ADAMTS18: variants seen among roughly 807,000 people sequenced by gnomAD.
ADAMTS18 encodes ADAM metallopeptidase with thrombospondin type 1 motif 18.
In ADAMTS18, 157 loss-of-function variants were observed where a neutral mutation model predicts 165.9. The observed-to-expected ratio is 0.95, with a 90% confidence interval of 0.83 to 1.08. ADAMTS18 has a LOEUF of 1.08. Ranked by LOEUF, ADAMTS18 falls within the 50% of genes least tolerant of loss-of-function variation. The pLI is 0.00. For synonymous variants in ADAMTS18, 782 were observed against 578.2 expected, an observed-to-expected ratio of 1.35 and a Z score of -5.06; for missense variants, 2,040 against 1,534.0, an observed-to-expected ratio of 1.33 and a Z score of -5.51.
At chr16:77,387,082 G>A (rs1204662019) in intron 3 of ADAMTS18, among the ~76,000 whole-genome samples, 1 of 152,168 alleles carries the variant, frequency 6.6e-6, no homozygotes, top group South Asian at 2.1e-4. Flanking sequence ...GATGCAGAGG[G>A]ACATAGATAA....
chr16:77,371,694 T>A (rs2056878566), intron 3 of ADAMTS18, among the ~76,000 whole-genome samples: 1 of 152,106 alleles, frequency 6.6e-6, no homozygotes, highest in Non-Finnish European at 1.5e-5. Context: ...GGAAAATACT[T>A]CATGACATAG....
intron 10 of ADAMTS18, among the ~76,000 whole-genome samples, chr16:77,350,812 T>C (rs2056544731): frequency 1.3e-5 from 2 of 152,180 alleles, no homozygotes; most frequent in African/African-American, 4.8e-5. Flanking sequence ...TTTCAGGTCT[T>C]GCCGATACAC....
intron 15 of ADAMTS18, 44 bp from the exon 16 acceptor site, chr16:77,320,137 T>C (rs769166393): frequency 2.4e-5 from 38 of 1,612,880 alleles, no homozygotes; most frequent in Admixed American, 5.0e-5. Flanking sequence ...ACCCCATGCA[T>C]TGGAGAAAAG....
chr16:77,346,387 G>A (rs962699114), intron 10 of ADAMTS18, among the ~76,000 whole-genome samples: 2 of 151,886 alleles, frequency 1.3e-5, no homozygotes, highest in Non-Finnish European at 2.9e-5. Context: ...ATCAATATAT[G>A]AATAAAAATG....
intron 3 of ADAMTS18, among the ~76,000 whole-genome samples, chr16:77,371,982 T>C (rs2056882539): frequency 1.3e-5 from 2 of 152,034 alleles, no homozygotes; most frequent in South Asian, 4.1e-4. Context: ...TAAATACTTC[T>C]CAAAAGACAT....
chr16:77,350,961 G>A (rs1348201584), intron 10 of ADAMTS18, among the ~76,000 whole-genome samples: 2 of 152,128 alleles, frequency 1.3e-5, no homozygotes, highest in Non-Finnish European at 2.9e-5. Context: ...GAGGGGAAAA[G>A]ATTAGAAAGT....
intron 3 of ADAMTS18, among the ~76,000 whole-genome samples, chr16:77,372,909 G>A (rs931660471): frequency 6.6e-6 from 1 of 152,100 alleles, no homozygotes; most frequent in African/African-American, 2.4e-5. Context: ...ATTCACTCTG[G>A]TATTAATCAC....
chr16:77,293,409 C>CAT, intron 19 of ADAMTS18, 151 bp from the exon 20 acceptor site: 1 of 683,160 alleles, frequency 1.5e-6, no homozygotes, highest in East Asian at 2.7e-5. Flanking sequence ...TAACCACCCC[C>CAT]ATTCCCATTA....
intron 3 of ADAMTS18, among the ~76,000 whole-genome samples, chr16:77,369,773 C>T (rs2056850127): frequency 6.6e-6 from 1 of 152,148 alleles, no homozygotes; most frequent in South Asian, 2.1e-4. Context: ...ATACCCAAAT[C>T]AGACAAGAAC....
intron 21 of ADAMTS18, 28 bp from the exon 22 acceptor site, chr16:77,289,439 A>G (rs1218059084): frequency 6.2e-7 from 1 of 1,613,082 alleles, no homozygotes; most frequent in East Asian, 2.2e-5. Context: ...GGAAGGAGTC[A>G]GAAACACTCT....
At chr16:77,390,708 A>G (rs4887903) in intron 3 of ADAMTS18, among the ~76,000 whole-genome samples, 46,226 of 151,470 alleles carry the variant, frequency 0.31, 7,420 homozygotes, top group Non-Finnish European at 0.36. Flanking sequence ...AGAAAAAAAA[A>G]AAAAGAAGAA....
intron 16 of ADAMTS18, among the ~76,000 whole-genome samples, chr16:77,305,151 A>G (rs1191124371): frequency 6.6e-6 from 1 of 152,222 alleles, no homozygotes; most frequent in Non-Finnish European, 1.5e-5. Flanking sequence ...AGTATGTGCC[A>G]ATTGTAGCAT....
At chr16:77,310,819 G>T (rs963261153) in intron 16 of ADAMTS18, among the ~76,000 whole-genome samples, 2 of 151,938 alleles carry the variant, frequency 1.3e-5, no homozygotes, top group African/African-American at 4.8e-5. Flanking sequence ...TGGAGACGGG[G>T]GTTTTTTCAT....
intron 16 of ADAMTS18, among the ~76,000 whole-genome samples, chr16:77,313,172 T>C (rs1727414561): frequency 1.3e-5 from 2 of 152,076 alleles, no homozygotes; most frequent in Admixed American, 1.3e-4. Context: ...GAAACCATCA[T>C]TCTCAGCAAA....
chr16:77,306,605 T>A (rs551807303), intron 16 of ADAMTS18, among the ~76,000 whole-genome samples: 1 of 152,326 alleles, frequency 6.6e-6, no homozygotes, highest in East Asian at 1.9e-4. Context: ...CCATAAAGGT[T>A]ATGGATAAAT....
chr16:77,374,897 A>T (rs2056927177), intron 3 of ADAMTS18, among the ~76,000 whole-genome samples: 1 of 152,240 alleles, frequency 6.6e-6, no homozygotes, highest in Non-Finnish European at 1.5e-5. Context: ...ACAGTGCTAG[A>T]TATTAAAAAA....
intron 18 of ADAMTS18, 143 bp downstream of exon 18, chr16:77,297,146 C>T: frequency 7.9e-7 from 1 of 1,259,012 alleles, no homozygotes; most frequent in Admixed American, 1.9e-5. Context: ...AGCTCATCAT[C>T]TTCTATTACT....
chr16:77,290,280 CACTAAAGCAGCTGTGGT>C (rs1470697721), intron 21 of ADAMTS18, among the ~76,000 whole-genome samples: 1 of 152,156 alleles, frequency 6.6e-6, no homozygotes, highest in African/African-American at 2.4e-5. Context: ...GCCGTTGTAG[CACTAAAGCAGCTGTGGT>C]CAATATATTA....
At position 77,336,745 on chromosome 16, in the gene ADAMTS18, C is replaced by T. The variant is rs1397297472; in HGVS notation, c.1711-841G>A. Among the ~76,000 whole-genome samples, 3 of 152,190 alleles carry T rather than the reference C, an allele frequency of 2.0e-5. No individual in the cohort carries two copies. The East Asian group carries it at 5.8e-4, about 29-fold the overall frequency. Reference sequence around the variant, plus strand: ...GCTGGTCATCTCTCCCTAGGGGATGCATTAGCCTCTGGTAGTGTTTCTTTT... The same window carrying T: ...GCTGGTCATCTCTCCCTAGGGGATGTATTAGCCTCTGGTAGTGTTTCTTTT... On this transcript the variant is annotated intron_variant, in intron 11 of 22. Transcript: ENST00000282849.
Sources: gnomAD v4.1 joint callset for allele counts (sites outside exome capture counted in the v4.1 genomes callset) on GRCh38, gnomAD v4.1.1 for gene constraint, MANE v1.5 for transcripts, NCBI Gene and HGNC (gene_info 2026-07-23, HGNC 2026-07-21) for gene names.